Variants in ALK observed in about 807,000 individuals in gnomAD.
ALK encodes ALK receptor tyrosine kinase, also known as ALK tyrosine kinase receptor.
ALK carries 74 observed loss-of-function variants against 163.1 expected under a neutral mutation model. The ratio of observed to expected loss-of-function variants is 0.45; its 90% CI spans 0.38 to 0.55. The LOEUF (loss-of-function observed/expected upper bound fraction) is 0.55, where lower values mean the gene tolerates loss of function less well. ALK is among the 20% of genes least tolerant of loss of function. The pLI, the probability that ALK is intolerant of heterozygous loss-of-function variation, is 0.00. For synonymous variants in ALK, 960 were observed against 843.2 expected (o/e 1.14, Z -2.40); for missense variants, 2,063 against 2,105.3 (o/e 0.98, Z 0.39).
intron 1 of ALK, among the ~76,000 whole-genome samples, chr2:29,756,238 T>C (rs1213966916): frequency 6.6e-6 from 1 of 152,222 alleles, no homozygotes; most frequent in Non-Finnish European, 1.5e-5. Context: ...AGCTCAAAAG[T>C]CCATTTCCCG....
chr2:29,387,534 G>A (rs931730503), intron 4 of ALK, among the ~76,000 whole-genome samples: 3 of 152,184 alleles, frequency 2.0e-5, no homozygotes, highest in Non-Finnish European at 4.4e-5. Flanking sequence ...GTGGATTTGC[G>A]TGGGCTTGGG....
intron 4 of ALK, among the ~76,000 whole-genome samples, chr2:29,482,565 G>A (rs950288913): frequency 6.6e-6 from 1 of 152,154 alleles, no homozygotes; most frequent in Non-Finnish European, 1.5e-5. Context: ...TAGGCACCAA[G>A]CTAATGGTGT....
At chr2:29,369,076 G>C (rs762285052) in intron 5 of ALK, among the ~76,000 whole-genome samples, 70 of 152,316 alleles carry the variant, frequency 4.6e-4, no homozygotes, top group Admixed American at 1.2e-3. Context: ...CCCATGCAGA[G>C]ACTGCAATCT....
intron 4 of ALK, among the ~76,000 whole-genome samples, chr2:29,512,012 T>C (rs1672534446): frequency 2.1e-5 from 3 of 144,872 alleles, no homozygotes; most frequent in African/African-American, 7.6e-5. Context: ...GCTTGTATTT[T>C]GATTTTTCAA....
At chr2:29,834,288 A>G (rs80329843) in intron 1 of ALK, among the ~76,000 whole-genome samples, 1,738 of 152,338 alleles carry the variant, frequency 0.011, 43 homozygotes, top group African/African-American at 0.039. Context: ...TACTCACCCA[A>G]TTAGAAAAAA....
intron 8 of ALK, among the ~76,000 whole-genome samples, chr2:29,301,755 C>A (rs1268557729): frequency 6.6e-6 from 1 of 152,226 alleles, no homozygotes; most frequent in Non-Finnish European, 1.5e-5. Context: ...CAGGGGCCAG[C>A]CAGCAGCTGA....
intron 4 of ALK, among the ~76,000 whole-genome samples, chr2:29,423,961 T>C (rs1670077765): frequency 6.6e-6 from 1 of 152,192 alleles, no homozygotes; most frequent in African/African-American, 2.4e-5. Flanking sequence ...TTTCTATCCC[T>C]AGAGGTAGCC....
intron 1 of ALK, among the ~76,000 whole-genome samples, chr2:29,837,797 C>T (rs964316744): frequency 6.6e-6 from 1 of 151,982 alleles, no homozygotes; most frequent in African/African-American, 2.4e-5. Context: ...GTCTAGCATA[C>T]AATCAAAAAT....
chr2:29,908,392 T>C (rs1472014413), intron 1 of ALK, among the ~76,000 whole-genome samples: 1 of 152,210 alleles, frequency 6.6e-6, no homozygotes, highest in Non-Finnish European at 1.5e-5. Context: ...TTGTTCTTCA[T>C]CTGGGCATTA....
chr2:29,202,442 C>T (rs1486960728), intron 26 of ALK, among the ~76,000 whole-genome samples: 1 of 152,240 alleles, frequency 6.6e-6, no homozygotes, highest in Non-Finnish European at 1.5e-5. Context: ...AGATGTTAAT[C>T]TTTTGTCTTA....
chr2:29,717,492 A>G (rs1679295679), intron 2 of ALK, 86 bp downstream of exon 2: 2 of 1,516,876 alleles, frequency 1.3e-6, no homozygotes, highest in Non-Finnish European at 1.8e-6. Flanking sequence ...GCCCTGGAGC[A>G]CTATGAATCC....
At chr2:29,284,323 G>T (rs934523905) in intron 9 of ALK, among the ~76,000 whole-genome samples, 1 of 152,052 alleles carries the variant, frequency 6.6e-6, no homozygotes, top group African/African-American at 2.4e-5. Context: ...TGGCGCGGGG[G>T]TGGGGGCAGC....
chr2:29,320,937 T>C lies in ALK; in HGVS notation c.1415-55A>G, dbSNP rs1056393321. 4 of 1,612,156 alleles carry C rather than the reference T, an allele frequency of 2.5e-6. No individual in the cohort carries two copies. The South Asian group carries it at 3.3e-5, about 13-fold the overall frequency. Reference sequence around the variant, plus strand: ...TTTCAGGACCACTAAAGGCAAAATATGCCAATGCCAAGTCGAATTAGCCAG... The same window carrying C: ...TTTCAGGACCACTAAAGGCAAAATACGCCAATGCCAAGTCGAATTAGCCAG... On this transcript the variant is annotated intron_variant, in intron 6 of 28. Coordinates refer to ENST00000389048, the MANE Select transcript of ALK (RefSeq NM_004304.5).
At chr2:29,813,334 G>T (rs763158026) in intron 1 of ALK, among the ~76,000 whole-genome samples, 47 of 152,122 alleles carry the variant, frequency 3.1e-4, no homozygotes, top group Non-Finnish European at 4.7e-4. Context: ...TTCAGTCTGG[G>T]CAGTAAGTGC....
intron 3 of ALK, among the ~76,000 whole-genome samples, chr2:29,642,795 T>C (rs1341531785): frequency 2.0e-5 from 3 of 152,172 alleles, no homozygotes; most frequent in African/African-American, 7.2e-5. Context: ...CATGGATAAA[T>C]CCCAATCTCT....
At chr2:29,383,366 G>C (rs1668951411) in intron 5 of ALK, among the ~76,000 whole-genome samples, 1 of 151,908 alleles carries the variant, frequency 6.6e-6, no homozygotes, top group African/African-American at 2.4e-5. Flanking sequence ...GCCCAGGCTG[G>C]AGTGCAACGG....
intron 26 of ALK, among the ~76,000 whole-genome samples, chr2:29,204,515 A>G (rs1205654479): frequency 7.1e-6 from 1 of 140,384 alleles, no homozygotes; most frequent in Non-Finnish European, 1.5e-5. Flanking sequence ...GTGGGGAGGA[A>G]GAAGACCACA....
rs552332165 is a variant in ALK at position 29,587,507 on chromosome 2, A to T, written c.953-55391T>A. On this transcript the variant is annotated intron_variant, in intron 3 of 28. Transcript: ENST00000389048. Reference sequence around the variant, plus strand: ...CCCCCTGAGGTGAACTAGTTGGAGGATCCAAAGGTCCAGGCCCCTAAAAAA... The same window carrying T: ...CCCCCTGAGGTGAACTAGTTGGAGGTTCCAAAGGTCCAGGCCCCTAAAAAA... Among the ~76,000 whole-genome samples, 3 of 152,322 alleles carry T rather than the reference A, an allele frequency of 2.0e-5. No homozygotes were observed. In the South Asian group the frequency reaches 6.2e-4, roughly 32 times the overall value.
chr2:29,807,203 T>C (rs1664640688), intron 1 of ALK, among the ~76,000 whole-genome samples: 2 of 152,220 alleles, frequency 1.3e-5, no homozygotes. Flanking sequence ...CCTAGAAATA[T>C]CTGTTATTCT....
Sources: gnomAD v4.1 joint callset for allele counts (sites outside exome capture counted in the v4.1 genomes callset) on GRCh38, gnomAD v4.1.1 for gene constraint, MANE v1.5 for transcripts, NCBI Gene and HGNC (gene_info 2026-07-23, HGNC 2026-07-21) for gene names.